MAST3: variants seen among roughly 807,000 people sequenced by gnomAD.
MAST3 encodes microtubule-associated serine/threonine-protein kinase 3.
In MAST3, 43 loss-of-function variants were observed where a neutral mutation model predicts 127.0. That is an observed-to-expected ratio of 0.34 (90% CI 0.27 to 0.44). The LOEUF (loss-of-function observed/expected upper bound fraction) is 0.44, where lower values mean the gene tolerates loss of function less well. MAST3 is among the 20% of genes least tolerant of loss of function. The pLI, the probability that MAST3 is intolerant of heterozygous loss-of-function variation, is 1.00. For synonymous variants in MAST3, 785 were observed against 809.2 expected, an observed-to-expected ratio of 0.97 and a Z score of 0.51; for missense variants, 1,390 against 1,919.1, an observed-to-expected ratio of 0.72 and a Z score of 5.15.
At position 18,112,328 on chromosome 19, in the gene MAST3, T is replaced by C. The variant is rs1195234191; in HGVS notation, c.161+1587T>C. 6.6e-6 allele frequency among the ~76,000 whole-genome samples: 1 copy of C among 151,962 alleles called. No homozygotes were observed. The highest frequency in any genetic ancestry group is 2.4e-5 in the African/African-American group (1 of 41,352). Reference sequence around the variant, plus strand: ...AGGCGTGCCACCACGCCCGGCTAATTTTTTGTTTGTTTGTTTGTTTGTTTG... The same window carrying C: ...AGGCGTGCCACCACGCCCGGCTAATCTTTTGTTTGTTTGTTTGTTTGTTTG... On this transcript the variant is annotated intron_variant, in intron 3 of 27. Coordinates refer to ENST00000687212, the MANE Select transcript of MAST3 (RefSeq NM_001393504.1). The surrounding 1 kb of genome is among the most constrained non-coding windows in gnomAD (Gnocchi z 4.1).
intron 1 of MAST3, chr19:18,098,809 A>G (rs1440045205): frequency 1.3e-5 from 6 of 456,552 alleles, no homozygotes; most frequent in Middle Eastern, 3.3e-4. Context: ...GAGGCAGCGG[A>G]GTGTTCTGCA....
chr19:18,120,403 T>C (rs1429250974), intron 3 of MAST3, among the ~76,000 whole-genome samples: 1 of 152,034 alleles, frequency 6.6e-6, no homozygotes, highest in Admixed American at 6.6e-5. Flanking sequence ...GGGAAAAGTG[T>C]GGGGGTGGGA....
chr19:18,141,037 G>GCCTGCC (rs2042415957), intron 20 of MAST3, among the ~76,000 whole-genome samples: 1 of 151,834 alleles, frequency 6.6e-6, no homozygotes, highest in South Asian at 2.1e-4. Flanking sequence ...CAAGCGATCC[G>GCCTGCC]CCTGCCTCAG....
chr19:18,114,906 G>T (rs1250244146), intron 3 of MAST3, among the ~76,000 whole-genome samples: 2 of 152,140 alleles, frequency 1.3e-5, no homozygotes, highest in South Asian at 2.1e-4. Flanking sequence ...AGATATATGG[G>T]CAGGTGGGAA....
intron 1 of MAST3, 37 bp from the exon 2 acceptor site, chr19:18,107,550 C>T: frequency 6.2e-7 from 1 of 1,611,636 alleles, no homozygotes; most frequent in Non-Finnish European, 8.5e-7. Context: ...GAGGGCTAGT[C>T]TCTCTGAGAA....
chr19:18,118,455 G>T (rs1195345726), intron 3 of MAST3, among the ~76,000 whole-genome samples: 1 of 152,322 alleles, frequency 6.6e-6, no homozygotes, highest in African/African-American at 2.4e-5. Flanking sequence ...CTGGACTGGG[G>T]TGTCTGTCCG....
rs770435172 is a variant in MAST3 at position 18,124,082 on chromosome 19, C to T, written c.777C>T (p.Gly259=). Residue 259 remains glycine, a synonymous_variant, in exon 9 of 28, where the codon GGC becomes GGT. Coordinates refer to ENST00000687212, the MANE Select transcript of MAST3 (RefSeq NM_001393504.1). ...CCCGAGACTGCTTGGCCAAGTCTGG[C>T]GAGAACCTCGTCACCTCCCGCTACT... The part of the protein sequence containing the change: ...ELARDCLAKS[G]ENLVTSRYFL... 5.6e-6 allele frequency: 9 copies of T among 1,610,474 alleles called. No individual in the cohort carries two copies. Among genetic ancestry groups the T allele is most frequent in the African/African-American group, 2.7e-5 (2 of 74,806 alleles).
At position 18,144,379 on chromosome 19, in the gene MAST3, A is replaced by T; in HGVS notation, c.2585-87A>T. On this transcript the variant is annotated intron_variant, in intron 22 of 27. Coordinates refer to ENST00000687212, the MANE Select transcript of MAST3 (RefSeq NM_001393504.1). This position sits in a 1 kb window ranked among gnomAD's most constrained non-coding sequence, Gnocchi z 4.0. ...GGCCAGGAGGCTGGACTGTGTAAAT[A>T]GTGACCAGGGAGGAAGGGCCTTAAG... 8.7e-7 allele frequency: 1 copy of T among 1,151,642 alleles called. No individual in the cohort carries two copies. The highest frequency in any genetic ancestry group is 1.3e-6 in the Non-Finnish European group (1 of 798,478). 71.3% of individuals were successfully genotyped at this position (1,151,642 alleles called of 1,614,324 possible).
Position 18,121,863 on chromosome 19 carries a change from C to T in MAST3, c.261C>T (p.Pro87=), listed in dbSNP as rs1348159637. The T allele has an allele frequency of 1.2e-6, 2 of 1,613,918 alleles. No individual in the cohort carries two copies. Among genetic ancestry groups the T allele is most frequent in the African/African-American group, 1.3e-5 (1 of 74,942 alleles). ...CCTCCTCCTCAGCAGGCAGCAGCCC[C>T]TTGGATAGTCCTCGGAATTTCTCGG... ...SPLSVPTGSS[P]LDSPRNFSAA... Residue 87 remains proline, a synonymous_variant, in exon 5 of 28, where the codon CCC becomes CCT. Transcript: ENST00000687212.
Position 18,110,614 on chromosome 19 carries a change from G to C in MAST3, c.72-38G>C, listed in dbSNP as rs570205335. 1 of 961,614 alleles carries C rather than the reference G, an allele frequency of 1.0e-6. No homozygotes were observed. The highest frequency in any genetic ancestry group is 6.2e-5 in the Admixed American group (1 of 16,240). 59.6% of individuals were successfully genotyped at this position (961,614 alleles called of 1,614,324 possible). ...CCGGATTCGGCCACACGAAGGGGCG[G>C]CCGCCAGGTTCACCGTCCCCGGCCT... is the stretch of plus-strand genomic sequence containing the variant. On this transcript the variant is annotated intron_variant, in intron 2 of 27. Coordinates refer to ENST00000687212, the MANE Select transcript of MAST3 (RefSeq NM_001393504.1). This position sits in a 1 kb window ranked among gnomAD's most constrained non-coding sequence, Gnocchi z 4.3.
At chr19:18,122,840 T>G (rs549741223) in intron 6 of MAST3, 89 bp downstream of exon 6, 70 of 1,355,352 alleles carry the variant, frequency 5.2e-5, no homozygotes, top group Non-Finnish European at 7.1e-5. Flanking sequence ...AGGTGTTGGA[T>G]AGTTGTGCAG....
At chr19:18,107,545 C>T in intron 1 of MAST3, 42 bp from the exon 2 acceptor site, 12 of 1,608,304 alleles carry the variant, frequency 7.5e-6, no homozygotes, top group Non-Finnish European at 1.0e-5. Context: ...GTTCTGAGGG[C>T]TAGTCTCTCT....
chr19:18,149,491 G>A lies in MAST3; in HGVS notation c.3809G>A (p.Arg1270Gln), dbSNP rs781426605. 1.0e-5 allele frequency: 16 copies of A among 1,545,806 alleles called. No individual in the cohort carries two copies. Among genetic ancestry groups the A allele is most frequent in the East Asian group, 4.9e-5 (2 of 40,836 alleles). The change falls in exon 28 of 28, where the codon CGG becomes CAG. Residue 1270 changes from arginine (R) to glutamine (Q), a missense_variant. Physicochemically the swap from Arg to Gln is conservative, Grantham distance 43. Around this residue, in one of 5 missense-constraint regions of MAST3, gnomAD observed 816 missense variants for 934.1 expected, o/e 0.87. Coordinates refer to ENST00000687212, the MANE Select transcript of MAST3 (RefSeq NM_001393504.1). This position sits in a 1 kb window ranked among gnomAD's most constrained non-coding sequence, Gnocchi z 5.9. ...GCTGACAAGCTGGGCACAGGGGAGC[G>A]GCTGGATGGGGAGGCGGGGCGGCGC... ...QSADKLGTGE[R>Q]LDGEAGRRTR...
At chr19:18,126,058 CA>C (rs200967573) in intron 11 of MAST3, among the ~76,000 whole-genome samples, 99 of 145,644 alleles carry the variant, frequency 6.8e-4, no homozygotes, top group African/African-American at 7.6e-4. Flanking sequence ...GCCTACATTT[CA>C]AAAAAAAAAA....
rs780454952 is a variant in MAST3, at chr19:18,124,152, C to T, written c.843+4C>T. On this transcript the variant is annotated splice_donor_region_variant and intron_variant, in intron 9 of 27. Coordinates refer to ENST00000687212, the MANE Select transcript of MAST3 (RefSeq NM_001393504.1). Reference sequence around the variant, plus strand: ...GCTGGAGCGGCTTCTGCAGGATGTGCGTGGTTTTTCGCATGTTGAGGTTTT... The same window carrying T: ...GCTGGAGCGGCTTCTGCAGGATGTGTGTGGTTTTTCGCATGTTGAGGTTTT... The T allele has an allele frequency of 1.6e-5, 26 of 1,605,882 alleles. No individual in the cohort carries two copies. Among genetic ancestry groups the T allele is most frequent in the East Asian group, 6.7e-5 (3 of 44,470 alleles).
chr19:18,098,366 G>C (rs961870963), intron 1 of MAST3, among the ~76,000 whole-genome samples: 2 of 127,604 alleles, frequency 1.6e-5, no homozygotes, highest in Non-Finnish European at 3.6e-5. Context: ...CGCCTAGCTG[G>C]GATTCGATCT....
Position 18,129,220 on chromosome 19 carries a change from A to G in MAST3, c.1223+269A>G, listed in dbSNP as rs2040996323. Reference sequence around the variant, plus strand: ...GCTTGGGGGCTGATCAAGGAAATAGATGCCCACCCAGTGGGAGTAGCACGC... The same window carrying G: ...GCTTGGGGGCTGATCAAGGAAATAGGTGCCCACCCAGTGGGAGTAGCACGC... On this transcript the variant is annotated intron_variant, in intron 13 of 27. Transcript: ENST00000687212. The G allele has an allele frequency of 1.4e-5, 7 of 500,644 alleles. No individual in the cohort carries two copies. The South Asian group carries it at 1.7e-4, about 12-fold the overall frequency. 31.0% of individuals were successfully genotyped at this position (500,644 alleles called of 1,614,324 possible).
intron 25 of MAST3, 112 bp from the exon 26 acceptor site, chr19:18,146,769 T>C: frequency 9.8e-7 from 1 of 1,015,984 alleles, no homozygotes; most frequent in Non-Finnish European, 1.4e-6. Context: ...GAATGGATGC[T>C]GGGGTGGTGG....
Position 18,144,422 on chromosome 19 carries a change from T to G in MAST3, c.2585-44T>G. 6.7e-7 allele frequency: 1 copy of G among 1,491,670 alleles called. No homozygotes were observed. The highest frequency in any genetic ancestry group is 9.1e-7 in the Non-Finnish European group (1 of 1,101,152). 92.4% of individuals were successfully genotyped at this position (1,491,670 alleles called of 1,614,324 possible). Reference sequence around the variant, plus strand: ...GCCTTAAGGTCCCTTTAGGACCACATGGTGAGTTTGAGGGGCACCCAGCTG... The same window carrying G: ...GCCTTAAGGTCCCTTTAGGACCACAGGGTGAGTTTGAGGGGCACCCAGCTG... On this transcript the variant is annotated intron_variant, in intron 22 of 27. Transcript: ENST00000687212. This position sits in a 1 kb window ranked among gnomAD's most constrained non-coding sequence, Gnocchi z 4.0.
Sources: allele counts gnomAD v4.1 joint callset (sites outside exome capture counted in the v4.1 genomes callset), GRCh38; gene constraint gnomAD v4.1.1; regional missense constraint gnomAD v4.1.1; non-coding constraint Gnocchi (gnomAD v3.1); transcripts MANE v1.5; gene names NCBI Gene and HGNC (gene_info 2026-07-23, HGNC 2026-07-21).